Variants in SEC31A observed in about 807,000 individuals in gnomAD.
The protein encoded by SEC31A is SEC31 homolog A, COPII component.
SEC31A carries 70 observed loss-of-function variants against 151.0 expected under a neutral mutation model. The ratio of observed to expected loss-of-function variants is 0.46; its 90% confidence interval spans 0.38 to 0.57. The LOEUF is 0.57. Among genes scored for constraint, SEC31A ranks in the 20% least tolerant of loss-of-function variants. The pLI is 0.00. For missense variants in SEC31A, 1,330 were observed against 1,471.2 expected (o/e 0.90, Z 1.57); for synonymous variants, 475 against 505.9 (o/e 0.94, Z 0.82).
At chr4:82,856,442 C>T (rs1376448152) in intron 16 of SEC31A, among the ~76,000 whole-genome samples, 1 of 151,744 alleles carries the variant, frequency 6.6e-6, no homozygotes, top group African/African-American at 2.4e-5. Flanking sequence ...AGCCACTGCG[C>T]CCAGCCGCAA....
chr4:82,828,656 C>A, intron 23 of SEC31A, among the ~76,000 whole-genome samples: 1 of 40,250 alleles, frequency 2.5e-5, no homozygotes, highest in Non-Finnish European at 4.6e-5. Context: ...TAGTAGAACC[C>A]AAAGACCAAA....
At chr4:82,871,311 TAC>T (rs10548601) in intron 7 of SEC31A, 585,054 of 1,295,434 alleles carry the variant, frequency 0.45, 88,893 homozygotes, top group Admixed American at 0.55. Context: ...TATACATGCA[TAC>T]ACACACACAC....
chr4:82,856,879 T>C (rs748522641), intron 16 of SEC31A, 73 bp downstream of exon 16: 21 of 1,226,208 alleles, frequency 1.7e-5, no homozygotes, highest in Middle Eastern at 2.2e-4. Context: ...ATTTCAGTTA[T>C]CTATAATAAC....
At chr4:82,897,494 T>C (rs542235604) in intron 3 of SEC31A, among the ~76,000 whole-genome samples, 2 of 152,224 alleles carry the variant, frequency 1.3e-5, no homozygotes, top group African/African-American at 2.4e-5. Context: ...AAATATTGTT[T>C]AAGAAAACCA....
At chr4:82,899,235 G>A (rs765753567) in intron 3 of SEC31A, among the ~76,000 whole-genome samples, 2 of 152,160 alleles carry the variant, frequency 1.3e-5, no homozygotes, top group Non-Finnish European at 2.9e-5. Flanking sequence ...GTAAGAATGA[G>A]GTTTCTTTCT....
chr4:82,874,084 G>A (rs1214321738), intron 6 of SEC31A, among the ~76,000 whole-genome samples: 3 of 152,124 alleles, frequency 2.0e-5, no homozygotes, highest in Non-Finnish European at 2.9e-5. Context: ...CAGATCACGA[G>A]GTCAGGAGTT....
chr4:82,891,000 A>T, intron 1 of SEC31A, 88 bp downstream of exon 1: 1 of 1,519,144 alleles, frequency 6.6e-7, no homozygotes, highest in East Asian at 2.5e-5. Context: ...GGCAGCGGAG[A>T]CCCAGGCTGC....
At chr4:82,885,663 A>G (rs1249249659) in intron 1 of SEC31A, among the ~76,000 whole-genome samples, 2 of 152,230 alleles carry the variant, frequency 1.3e-5, no homozygotes, top group African/African-American at 4.8e-5. Flanking sequence ...CCTTTGACTC[A>G]TAGCCATTAC....
At chr4:82,871,346 T>C (rs974216526) in intron 7 of SEC31A, 3 of 1,517,196 alleles carry the variant, frequency 2.0e-6, no homozygotes, top group Non-Finnish European at 2.6e-6. Context: ...ACAAGTAACG[T>C]AGGTACAGTA....
chr4:82,834,704 A>G (rs1196413308), intron 22 of SEC31A, among the ~76,000 whole-genome samples: 11 of 152,196 alleles, frequency 7.2e-5, no homozygotes, highest in Non-Finnish European at 1.6e-4. Context: ...CATGTGTTTT[A>G]GCAGAACCCC....
chr4:82,851,623 T>C lies in SEC31A; in HGVS notation c.2155-19A>G. The C allele has an allele frequency of 6.3e-7, 1 of 1,593,608 alleles. No homozygotes were observed. The highest frequency in any genetic ancestry group is 1.1e-5 in the South Asian group (1 of 89,190). Reference sequence around the variant, plus strand: ...TCAGATCCTAAATGAAAAAAATGAGTAACAAACAGAAATATCAAGACCATG... The same window carrying C: ...TCAGATCCTAAATGAAAAAAATGAGCAACAAACAGAAATATCAAGACCATG... On this transcript the variant is annotated intron_variant, in intron 18 of 26. Transcript: ENST00000395310.
chr4:82,854,784 T>C, intron 17 of SEC31A, 119 bp downstream of exon 17: 4 of 1,034,168 alleles, frequency 3.9e-6, no homozygotes, highest in Non-Finnish European at 5.3e-6. Context: ...AATGAGAATT[T>C]TTCTTTTTTG....
chr4:82,856,813 T>G (rs1230317828), intron 16 of SEC31A, 139 bp downstream of exon 16: 3 of 709,328 alleles, frequency 4.2e-6, no homozygotes, highest in African/African-American at 3.7e-5. Flanking sequence ...TGCCAACAAC[T>G]ATTTCCAGGT....
At position 82,856,942 on chromosome 4, in the gene SEC31A, A is replaced by G; in HGVS notation, c.1881+10T>C. 6.3e-7 allele frequency: 1 copy of G among 1,591,242 alleles called. No homozygotes were observed. On this transcript the variant is annotated intron_variant, in intron 16 of 26. Transcript: ENST00000395310. ...TAAATACGTTATTGCTTATTTTTAAAATAACATACCCTGGTAATTTTGCTT... is the reference window on the plus strand; with the variant it reads ...TAAATACGTTATTGCTTATTTTTAAGATAACATACCCTGGTAATTTTGCTT...
At chr4:82,864,857 C>T (rs1483141044) in intron 10 of SEC31A, among the ~76,000 whole-genome samples, 1 of 151,416 alleles carries the variant, frequency 6.6e-6, no homozygotes, top group Non-Finnish European at 1.5e-5. Context: ...CTCACTACAA[C>T]CTCTGCCTCC....
intron 20 of SEC31A, among the ~76,000 whole-genome samples, chr4:82,846,167 C>T (rs911324532): frequency 1.3e-5 from 2 of 151,848 alleles, no homozygotes; most frequent in African/African-American, 2.4e-5. Context: ...CCATGCCCAG[C>T]TAATTTTTAG....
chr4:82,872,879 T>C (rs1359469970), intron 6 of SEC31A, among the ~76,000 whole-genome samples: 1 of 151,824 alleles, frequency 6.6e-6, no homozygotes. Flanking sequence ...TAATTTTTTG[T>C]ATTTTAGTAG....
At chr4:82,827,664 A>G in intron 23 of SEC31A, 32 bp from the exon 24 acceptor site, 2 of 1,601,770 alleles carry the variant, frequency 1.2e-6, no homozygotes, top group Non-Finnish European at 1.7e-6. Flanking sequence ...AGACACCAGG[A>G]GTAAGAATAA....
At chr4:82,847,075 A>C (rs1186345157) in intron 20 of SEC31A, among the ~76,000 whole-genome samples, 1 of 152,232 alleles carries the variant, frequency 6.6e-6, no homozygotes, top group African/African-American at 2.4e-5. Flanking sequence ...TTGTGTGTTA[A>C]TGGACTGTTC....
Sources: gnomAD v4.1 joint callset for allele counts (sites outside exome capture counted in the v4.1 genomes callset) on GRCh38, gnomAD v4.1.1 for gene constraint, MANE v1.5 for transcripts, NCBI Gene and HGNC (gene_info 2026-07-23, HGNC 2026-07-21) for gene names.